Variants in SPESP1 observed in about 807,000 individuals in gnomAD.
The protein encoded by SPESP1 is sperm equatorial segment protein 1.
In SPESP1, 1 loss-of-function variant was observed where a neutral mutation model predicts 3.1. The observed-to-expected ratio is 0.33, with a 90% CI of 0.12 to 1.54. The LOEUF (loss-of-function observed/expected upper bound fraction) is 1.54. Among genes scored for constraint, SPESP1 ranks in the 40% most tolerant of loss-of-function variants. SPESP1 has a pLI of 0.38. For missense variants in SPESP1, 398 were observed against 410.1 expected (o/e 0.97, Z 0.26); for synonymous variants, 138 against 150.7 (o/e 0.92, Z 0.62).
At chr15:68,932,044 T>C (rs777592792) in intron 1 of SPESP1, among the ~76,000 whole-genome samples, 2 of 152,234 alleles carry the variant, frequency 1.3e-5, no homozygotes, top group Admixed American at 6.5e-5. Flanking sequence ...TAACTAAAGT[T>C]AGCTCTTTAA....
At chr15:68,934,773 T>C (rs1050285860) in intron 1 of SPESP1, among the ~76,000 whole-genome samples, 1 of 152,226 alleles carries the variant, frequency 6.6e-6, no homozygotes, top group African/African-American at 2.4e-5. Flanking sequence ...TTTCTTTTTT[T>C]TTTAGTATCA....
intron 1 of SPESP1, among the ~76,000 whole-genome samples, chr15:68,938,083 C>A (rs944817517): frequency 6.6e-6 from 1 of 152,096 alleles, no homozygotes; most frequent in Non-Finnish European, 1.5e-5. Flanking sequence ...TGGGTTCAAG[C>A]GATTCTCCTG....
chr15:68,946,617 G>T lies in SPESP1; in HGVS notation c.*30G>T. On this transcript the variant is annotated 3_prime_UTR_variant, in exon 2 of 2. Coordinates refer to ENST00000310673, the MANE Select transcript of SPESP1 (RefSeq NM_145658.4). ...TAATATAAAAATTTTAAACCTACTTGATATTCCATAACAAAGCTGATTTAA... is the reference window on the plus strand; with the variant it reads ...TAATATAAAAATTTTAAACCTACTTTATATTCCATAACAAAGCTGATTTAA... The T allele has an allele frequency of 2.1e-6, 3 of 1,411,406 alleles. No homozygotes were observed. Among genetic ancestry groups the T allele is most frequent in the Non-Finnish European group, 1.8e-6 (2 of 1,086,102 alleles). 87.4% of individuals were successfully genotyped at this position (1,411,406 alleles called of 1,614,324 possible). A position where few individuals can be genotyped will look rare whatever the true frequency, so the allele number is the denominator to read the frequency against.
chr15:68,931,611 C>A (rs536116397), intron 1 of SPESP1, among the ~76,000 whole-genome samples: 1 of 152,306 alleles, frequency 6.6e-6, no homozygotes, highest in African/African-American at 2.4e-5. Flanking sequence ...CTTGCGCACA[C>A]GGCATTCAAA....
chr15:68,932,999 A>G (rs1251201448), intron 1 of SPESP1, among the ~76,000 whole-genome samples: 9 of 151,448 alleles, frequency 5.9e-5, no homozygotes, highest in Non-Finnish European at 1.5e-5. Context: ...AAATAAGTAT[A>G]CCAAAATGCG....
At chr15:68,932,898 G>T (rs923575122) in intron 1 of SPESP1, among the ~76,000 whole-genome samples, 2 of 152,188 alleles carry the variant, frequency 1.3e-5, no homozygotes, top group Non-Finnish European at 2.9e-5. Flanking sequence ...TACAGAAGTG[G>T]ATTAAGGAAT....
At chr15:68,930,966 C>T (rs958375158) in intron 1 of SPESP1, among the ~76,000 whole-genome samples, 2 of 152,184 alleles carry the variant, frequency 1.3e-5, no homozygotes, top group African/African-American at 4.8e-5. Context: ...GGTGGAACCC[C>T]CTCACCTCAC....
chr15:68,946,077 C>T lies in SPESP1; in HGVS notation c.543C>T (p.Val181=). Residue 181 remains valine, a synonymous_variant, in exon 2 of 2, where the codon GTC becomes GTT. Coordinates refer to ENST00000310673, the MANE Select transcript of SPESP1 (RefSeq NM_145658.4). ...SPYVTSYKSP[V]TTLDKSTGIG... The stretch of plus-strand genomic sequence containing the variant: ...ATGTTACCTCATACAAGTCACCTGT[C>T]ACCACTTTAGATAAGAGCACTGGCA... 1 of 1,614,146 alleles carries T rather than the reference C, an allele frequency of 6.2e-7. No individual in the cohort carries two copies. Among genetic ancestry groups the T allele is most frequent in the Non-Finnish European group, 8.5e-7 (1 of 1,180,018 alleles).
rs140798138 is a variant in SPESP1, at chr15:68,946,295, T to C, written c.761T>C (p.Ile254Thr). 9 of 1,613,976 alleles carry C rather than the reference T, an allele frequency of 5.6e-6. No individual in the cohort carries two copies. In the African/African-American group the frequency reaches 8.0e-5, roughly 14 times the overall value. Residue 254 changes from isoleucine (I) to threonine (T), a missense_variant, in exon 2 of 2, where the codon ATT (isoleucine) becomes ACT (threonine). Ile to Thr is a moderately conservative substitution (Grantham distance 89, BLOSUM62 -1). Transcript: ENST00000310673. ...AGCAACCCAGCATATAGAGAAGATA[T>C]TGAAGCCTCTAAAGATCACCTAAAA... Reference protein sequence around the residue: ...DTSNPAYREDIEASKDHLKRS... With the variant: ...DTSNPAYREDTEASKDHLKRS...
At chr15:68,932,998 T>C (rs1895589241) in intron 1 of SPESP1, among the ~76,000 whole-genome samples, 1 of 151,550 alleles carries the variant, frequency 6.6e-6, no homozygotes, top group Non-Finnish European at 1.5e-5. Context: ...AAAATAAGTA[T>C]ACCAAAATGC....
intron 1 of SPESP1, among the ~76,000 whole-genome samples, chr15:68,936,651 G>A (rs1034165984): frequency 6.6e-6 from 1 of 152,126 alleles, no homozygotes; most frequent in Admixed American, 6.5e-5. Context: ...TGGACATACT[G>A]AAAACCATTG....
chr15:68,937,991 T>A (rs1286787050), intron 1 of SPESP1, among the ~76,000 whole-genome samples: 1 of 152,150 alleles, frequency 6.6e-6, no homozygotes, highest in Non-Finnish European at 1.5e-5. Context: ...TTTTATTTTA[T>A]TTTTTTGAAA....
intron 1 of SPESP1, among the ~76,000 whole-genome samples, chr15:68,938,660 C>T (rs924438807): frequency 4.6e-5 from 7 of 151,666 alleles, no homozygotes; most frequent in African/African-American, 1.7e-4. Flanking sequence ...GAGTAGTATC[C>T]CTGCAGAATA....
chr15:68,941,001 TCTG>T (rs1247380758), intron 1 of SPESP1, among the ~76,000 whole-genome samples: 4 of 152,098 alleles, frequency 2.6e-5, no homozygotes, highest in Non-Finnish European at 4.4e-5. Context: ...TATTTTCTGT[TCTG>T]CTCCATTCAT....
At position 68,946,623 on chromosome 15, in the gene SPESP1, C is replaced by A; in HGVS notation, c.*36C>A. The A allele has an allele frequency of 7.2e-7, 1 of 1,394,416 alleles. No individual in the cohort carries two copies. Among genetic ancestry groups the A allele is most frequent in the South Asian group, 2.0e-5 (1 of 50,608 alleles). 86.4% of individuals were successfully genotyped at this position (1,394,416 alleles called of 1,614,324 possible). On this transcript the variant is annotated 3_prime_UTR_variant, in exon 2 of 2. Transcript: ENST00000310673. ...AAAAATTTTAAACCTACTTGATATT[C>A]CATAACAAAGCTGATTTAAGCAAAC...
chr15:68,939,592 A>C (rs1484213347), intron 1 of SPESP1, among the ~76,000 whole-genome samples: 1 of 152,218 alleles, frequency 6.6e-6, no homozygotes, highest in Non-Finnish European at 1.5e-5. Flanking sequence ...TAGGGGACAA[A>C]AGCAGGAGGT....
intron 1 of SPESP1, among the ~76,000 whole-genome samples, chr15:68,942,966 TG>T (rs1453917129): frequency 1.3e-5 from 2 of 152,148 alleles, no homozygotes; most frequent in African/African-American, 4.8e-5. Context: ...CTTTTTAAAA[TG>T]TGATTTTTAT....
chr15:68,942,169 C>CTTTTTTTTTTTTTTTT (rs778249415), intron 1 of SPESP1, among the ~76,000 whole-genome samples: 10 of 142,870 alleles, frequency 7.0e-5, no homozygotes, highest in South Asian at 2.2e-4. Flanking sequence ...CATCTTATTT[C>CTTTTTTTTTTTTTTTT]TTTTTTTTTT....
In SPESP1 at chr15:68,946,210, A is replaced by T; in HGVS notation, c.676A>T (p.Ile226Phe). 1 of 1,614,136 alleles carries T rather than the reference A, an allele frequency of 6.2e-7. No individual in the cohort carries two copies. The highest frequency in any genetic ancestry group is 8.5e-7 in the Non-Finnish European group (1 of 1,180,032). The change falls in exon 2 of 2, where the codon ATT (isoleucine) becomes TTT (phenylalanine). Residue 226 changes from isoleucine (I) to phenylalanine (F), a missense_variant. By Grantham distance (21) the Ile-to-Phe change is conservative. Coordinates refer to ENST00000310673, the MANE Select transcript of SPESP1 (RefSeq NM_145658.4). ...CCCAGAGAGTTGGAATAATGATGAC[A>T]TTTTGAAAAAAATTTTAGATATTAA... ...KHPESWNNDD[I>F]LKKILDINSQ... is the part of the protein sequence containing the mutation.
Sources: allele counts gnomAD v4.1 joint callset (sites outside exome capture counted in the v4.1 genomes callset), GRCh38; gene constraint gnomAD v4.1.1; transcripts MANE v1.5; gene names NCBI Gene and HGNC (gene_info 2026-07-23, HGNC 2026-07-21).